SMARCA2: variants seen among roughly 807,000 people sequenced by gnomAD.
SMARCA2 encodes SWI/SNF-related matrix-associated actin-dependent regulator of chromatin subfamily A member 2.
Under a neutral mutation model 199.8 loss-of-function variants are expected in SMARCA2, and 61 were observed. The ratio of observed to expected loss-of-function variants is 0.31; its 90% CI spans 0.25 to 0.38. The LOEUF is 0.38. Among genes scored for constraint, SMARCA2 ranks in the 10% least tolerant of loss-of-function variants. The pLI is 1.00. For missense variants in SMARCA2, 1,344 were observed against 2,012.2 expected (o/e 0.67, Z 6.35); for synonymous variants, 935 against 732.0 (o/e 1.28, Z -4.48).
intron 27 of SMARCA2, among the ~76,000 whole-genome samples, chr9:2,129,235 G>A (rs559916632): frequency 3.3e-5 from 5 of 152,086 alleles, no homozygotes; most frequent in Admixed American, 1.3e-4. Context: ...TGGCTAACAC[G>A]GTGAAACCCC....
intron 9 of SMARCA2, among the ~76,000 whole-genome samples, chr9:2,065,053 C>T (rs1820772551): frequency 6.6e-6 from 1 of 152,152 alleles, no homozygotes; most frequent in Non-Finnish European, 1.5e-5. Flanking sequence ...GGCGTGGTGG[C>T]AGGCACCTGT....
intron 29 of SMARCA2, among the ~76,000 whole-genome samples, chr9:2,177,108 T>A (rs1411048960): frequency 6.6e-6 from 1 of 152,194 alleles, no homozygotes; most frequent in African/African-American, 2.4e-5. Context: ...GGGGCACTAA[T>A]GTGGTCTAGT....
chr9:2,089,926 A>G lies in SMARCA2; in HGVS notation c.2883+1313A>G, dbSNP rs372309396. On this transcript the variant is annotated intron_variant, in intron 19 of 33. Coordinates refer to ENST00000349721, the MANE Select transcript of SMARCA2 (RefSeq NM_003070.5). ...TTTTTTTCTTTACAAGAGGTATAAAATAAAAGGCAATTAACTGAAGCCCTT... is the reference window on the plus strand; with the variant it reads ...TTTTTTTCTTTACAAGAGGTATAAAGTAAAAGGCAATTAACTGAAGCCCTT... Among the ~76,000 whole-genome samples, 6 of 152,320 alleles carry G rather than the reference A, an allele frequency of 3.9e-5. No individual in the cohort carries two copies. In the East Asian group the frequency reaches 7.7e-4, roughly 20 times the overall value.
At chr9:2,153,356 G>C (rs1011885771) in intron 27 of SMARCA2, among the ~76,000 whole-genome samples, 5 of 152,102 alleles carry the variant, frequency 3.3e-5, no homozygotes, top group Non-Finnish European at 5.9e-5. Flanking sequence ...AAGCAACATA[G>C]CCTGACCCTG....
Position 2,137,823 on chromosome 9 carries a change from A to T in SMARCA2, c.3981+13886A>T, listed in dbSNP as rs570944444. Among the ~76,000 whole-genome samples the T allele has an allele frequency of 9.2e-5, 14 of 152,262 alleles. No individual in the cohort carries two copies. The South Asian group carries it at 2.3e-3, about 25-fold the overall frequency. ...TAGGCAGAAATGAGGGCTAGGAGGG[A>T]TTTGGTTGCAGCCCCATATCCTTTT... is the stretch of plus-strand genomic sequence containing the variant. On this transcript the variant is annotated intron_variant, in intron 27 of 33. Coordinates refer to ENST00000349721, the MANE Select transcript of SMARCA2 (RefSeq NM_003070.5).
rs754325166 is a variant in SMARCA2, at chr9:2,070,479, A to T, written c.1746+8A>T. ...CTGGGACCGGATGGAGAGGTAAGGG[A>T]TCGTCATCCTTTCCACTGTGTTCTG... On this transcript the variant is annotated splice_region_variant and intron_variant, in intron 10 of 33. Transcript: ENST00000349721. The T allele has an allele frequency of 6.2e-7, 1 of 1,608,668 alleles. No individual in the cohort carries two copies. The highest frequency in any genetic ancestry group is 1.3e-5 in the African/African-American group (1 of 74,934).
intron 19 of SMARCA2, among the ~76,000 whole-genome samples, chr9:2,092,499 T>A (rs571762422): frequency 7.0e-4 from 107 of 152,340 alleles, no homozygotes; most frequent in African/African-American, 2.4e-3. Flanking sequence ...ATATATCGCA[T>A]GTAGTTTAGG....
chr9:2,163,957 C>G (rs912850879), intron 28 of SMARCA2, among the ~76,000 whole-genome samples: 1 of 152,102 alleles, frequency 6.6e-6, no homozygotes, highest in African/African-American at 2.4e-5. Flanking sequence ...AAAAATTTCC[C>G]TCCCATCCCC....
chr9:2,147,437 C>T (rs993750984), intron 27 of SMARCA2, among the ~76,000 whole-genome samples: 5 of 152,124 alleles, frequency 3.3e-5, no homozygotes, highest in African/African-American at 1.2e-4. Flanking sequence ...TATCTGTTTG[C>T]CACATCTTTC....
intron 4 of SMARCA2, chr9:2,040,115 G>A: frequency 1.0e-6 from 1 of 1,003,218 alleles, no homozygotes; most frequent in Non-Finnish European, 1.4e-6. Flanking sequence ...TTAAAAGGTG[G>A]TTGTGCAAGC....
At position 2,192,924 on chromosome 9, in the gene SMARCA2, A is replaced by C. The variant is rs1050065184; in HGVS notation, c.*185A>C. On this transcript the variant is annotated 3_prime_UTR_variant, in exon 34 of 34. Coordinates refer to ENST00000349721, the MANE Select transcript of SMARCA2 (RefSeq NM_003070.5). ...GGTGTAAAAAACACACACATACACA[A>C]ATATTTGTAACATATTGTGACCAAA... The C allele has an allele frequency of 1.8e-6, 1 of 556,680 alleles. No individual in the cohort carries two copies. The highest frequency in any genetic ancestry group is 3.2e-6 in the Non-Finnish European group (1 of 313,402). 34.5% of individuals were successfully genotyped at this position (556,680 alleles called of 1,614,324 possible). A position where few individuals can be genotyped will look rare whatever the true frequency, so the allele number is the denominator to read the frequency against.
At chr9:2,090,877 G>A (rs2130502273) in intron 19 of SMARCA2, among the ~76,000 whole-genome samples, 1 of 151,754 alleles carries the variant, frequency 6.6e-6, no homozygotes, top group South Asian at 2.1e-4. Flanking sequence ...TTAGCCTGGG[G>A]AAAGTTGGAA....
intron 13 of SMARCA2, 111 bp from the exon 14 acceptor site, chr9:2,077,518 A>C: frequency 9.5e-7 from 1 of 1,057,674 alleles, no homozygotes; most frequent in South Asian, 1.5e-5. Context: ...GTTGATAAAT[A>C]AAACACACTT....
chr9:2,056,819 G>A lies in SMARCA2; in HGVS notation c.1321G>A (p.Glu441Lys). Reference sequence around the variant, plus strand: ...GGAGAAGCAGCAGAAGATTGAGCAGGAGAGGAAACGCCGTCAGAAACACCA... The same window carrying A: ...GGAGAAGCAGCAGAAGATTGAGCAGAAGAGGAAACGCCGTCAGAAACACCA... ...KLEKQQKIEQ[E>K]RKRRQKHQEY... Residue 441 changes from glutamate to lysine, a missense_variant, in exon 7 of 34, where the codon GAG (glutamate) becomes AAG (lysine). By Grantham distance (56) the Glu-to-Lys change is moderately conservative (BLOSUM62 1). Transcript: ENST00000349721. This position sits in a 1 kb window ranked among gnomAD's most constrained non-coding sequence, Gnocchi z 4.0. 6.2e-7 allele frequency: 1 copy of A among 1,614,098 alleles called. No individual in the cohort carries two copies. The highest frequency in any genetic ancestry group is 1.1e-5 in the South Asian group (1 of 91,074).
intron 15 of SMARCA2, among the ~76,000 whole-genome samples, chr9:2,082,198 G>C (rs1255145094): frequency 6.6e-6 from 1 of 151,934 alleles, no homozygotes. Context: ...ATTTAAGCAC[G>C]GGACCGAGTG....
intron 22 of SMARCA2, among the ~76,000 whole-genome samples, chr9:2,102,337 C>A (rs1278193651): frequency 1.3e-5 from 2 of 152,184 alleles, no homozygotes; most frequent in Admixed American, 1.3e-4. Flanking sequence ...TCTGTGGTTA[C>A]TCCTGCTCCC....
chr9:2,058,454 G>T lies in SMARCA2; in HGVS notation c.1511G>T (p.Arg504Leu). 1 of 1,613,912 alleles carries T rather than the reference G, an allele frequency of 6.2e-7. No individual in the cohort carries two copies. Among genetic ancestry groups the T allele is most frequent in the Non-Finnish European group, 8.5e-7 (1 of 1,179,954 alleles). Residue 504 changes from arginine (R) to leucine (L), a missense_variant, in exon 8 of 34, where the codon CGG becomes CTG. Arg to Leu is a moderately radical substitution (Grantham distance 102). Coordinates refer to ENST00000349721, the MANE Select transcript of SMARCA2 (RefSeq NM_003070.5). Reference sequence around the variant, plus strand: ...GAGCGGATTGAAAAGGAGAGAATGCGGCGACTGATGGTAAGGAACTCCCTG... The same window carrying T: ...GAGCGGATTGAAAAGGAGAGAATGCTGCGACTGATGGTAAGGAACTCCCTG... ...ETERIEKERMRRLMAEDEEGY... is the reference protein window; with the variant it reads ...ETERIEKERMLRLMAEDEEGY...
chr9:2,139,732 T>A (rs1037852578), intron 27 of SMARCA2, among the ~76,000 whole-genome samples: 1 of 152,206 alleles, frequency 6.6e-6, no homozygotes, highest in African/African-American at 2.4e-5. Context: ...AATCTTAGGT[T>A]CTACGATAGT....
chr9:2,150,416 A>G (rs1167660248), intron 27 of SMARCA2, among the ~76,000 whole-genome samples: 2 of 151,636 alleles, frequency 1.3e-5, no homozygotes, highest in Non-Finnish European at 3.0e-5. Flanking sequence ...AGAACAGGGG[A>G]CCATTCCCAT....
Sources: gnomAD v4.1 joint callset for allele counts (sites outside exome capture counted in the v4.1 genomes callset) on GRCh38, gnomAD v4.1.1 for gene constraint, Gnocchi (gnomAD v3.1) non-coding constraint, MANE v1.5 for transcripts, NCBI Gene and HGNC (gene_info 2026-07-23, HGNC 2026-07-21) for gene names.